CELSR1: variants seen among roughly 807,000 people sequenced by gnomAD.
CELSR1 encodes cadherin EGF LAG seven-pass G-type receptor 1.
Under a neutral mutation model 249.1 loss-of-function variants are expected in CELSR1, and 110 were observed. The observed-to-expected ratio is 0.44, with a 90% CI of 0.38 to 0.52. CELSR1 has a LOEUF of 0.52. CELSR1 is among the 20% of genes least tolerant of loss of function. CELSR1 has a pLI of 0.00. For synonymous variants in CELSR1, 2,113 were observed against 1,900.0 expected, an observed-to-expected ratio of 1.11 and a Z score of -2.92; for missense variants, 4,109 against 4,296.4, an observed-to-expected ratio of 0.96 and a Z score of 1.22.
At chr22:46,508,431 GC>G (rs36057490) in intron 1 of CELSR1, among the ~76,000 whole-genome samples, 2 of 137,822 alleles carry the variant, frequency 1.5e-5, no homozygotes, top group African/African-American at 6.0e-5. Flanking sequence ...CCACCCTGTG[GC>G]CCCCCCACCC....
intron 1 of CELSR1, among the ~76,000 whole-genome samples, chr22:46,509,559 A>T (rs1002954569): frequency 3.9e-5 from 6 of 152,250 alleles, no homozygotes; most frequent in Non-Finnish European, 8.8e-5. Context: ...ACTGGACCCC[A>T]TTACGTGGTA....
At position 46,535,712 on chromosome 22, in the gene CELSR1, C is replaced by T; in HGVS notation, c.1459G>A (p.Asp487Asn). 1 of 1,612,822 alleles carries T rather than the reference C, an allele frequency of 6.2e-7. No individual in the cohort carries two copies. Among genetic ancestry groups the T allele is most frequent in the Non-Finnish European group, 8.5e-7 (1 of 1,180,020 alleles). The change falls in exon 1 of 35, where the codon GAC becomes AAC. Residue 487 changes from aspartate (D) to asparagine (N), a missense_variant. Asp to Asn is a conservative substitution (Grantham distance 23). Coordinates refer to ENST00000674500, the MANE Select transcript of CELSR1 (RefSeq NM_001378328.1). Reference sequence around the variant, plus strand: ...TGAATGGCCGCGTTCTGGCCCTGGTCCCGGTCCGTGGCCTGCACTCGCAGC... The same window carrying T: ...TGAATGGCCGCGTTCTGGCCCTGGTTCCGGTCCGTGGCCTGCACTCGCAGC... ...AVLRVQATDR[D>N]QGQNAAIHYS... is the part of the protein sequence containing the mutation.
intron 1 of CELSR1, among the ~76,000 whole-genome samples, chr22:46,510,386 T>C (rs2080560933): frequency 6.6e-6 from 1 of 151,996 alleles, no homozygotes; most frequent in African/African-American, 2.4e-5. Context: ...TCCCGGAGCT[T>C]CCCCTTGGAG....
chr22:46,414,586 C>T (rs1019331618), intron 5 of CELSR1, among the ~76,000 whole-genome samples: 4 of 151,944 alleles, frequency 2.6e-5, no homozygotes, highest in African/African-American at 9.7e-5. Context: ...GCAGGCTAAC[C>T]GTCCACTCTC....
At position 46,399,967 on chromosome 22, in the gene CELSR1, G is replaced by T; in HGVS notation, c.5227-65C>A. ...ACAATGAAAGAGAAAACATTTTGCA[G>T]TCACTTAAACAAGGAAGCTGTGAAA... On this transcript the variant is annotated intron_variant, in intron 9 of 34. Coordinates refer to ENST00000674500, the MANE Select transcript of CELSR1 (RefSeq NM_001378328.1). This position sits in a 1 kb window ranked among gnomAD's most constrained non-coding sequence, Gnocchi z 5.0. 6.6e-7 allele frequency: 1 copy of T among 1,516,608 alleles called. No individual in the cohort carries two copies. The allele number at this position is 1,516,608 out of a possible 1,614,324, so 93.9% of individuals were successfully genotyped here.
Position 46,411,875 on chromosome 22 carries a change from C to A in CELSR1, c.4612-116G>T. ...TGGCACAGGGTGGGCGGCACGTAGA[C>A]AAGGGATGAGGAGCCCCCGGCCTTT... is the stretch of plus-strand genomic sequence containing the variant. On this transcript the variant is annotated intron_variant, in intron 5 of 34. Transcript: ENST00000674500. The surrounding 1 kb of genome is among the most constrained non-coding windows in gnomAD (Gnocchi z 4.2). The A allele has an allele frequency of 2.9e-6, 4 of 1,359,582 alleles. No homozygotes were observed. The highest frequency in any genetic ancestry group is 4.1e-6 in the Non-Finnish European group (4 of 977,648). The allele number at this position is 1,359,582 out of a possible 1,614,324, so 84.2% of individuals were successfully genotyped here.
rs2079362892 is a variant in CELSR1, at chr22:46,413,593, G to C, written c.4612-1834C>G. On this transcript the variant is annotated intron_variant, in intron 5 of 34. Transcript: ENST00000674500. This position sits in a 1 kb window ranked among gnomAD's most constrained non-coding sequence, Gnocchi z 4.7. ...CACACGCCCTTGTCTGTAAATCCAAGGGAGGCTTCTACCATGACCCCTGGT... is the reference window on the plus strand; with the variant it reads ...CACACGCCCTTGTCTGTAAATCCAACGGAGGCTTCTACCATGACCCCTGGT... Among the ~76,000 whole-genome samples, 2 of 152,272 alleles carry C rather than the reference G, an allele frequency of 1.3e-5. No individual in the cohort carries two copies. Among genetic ancestry groups the C allele is most frequent in the African/African-American group, 4.8e-5 (2 of 41,550 alleles).
rs868009950 is a variant in CELSR1, at chr22:46,374,810, C to T, written c.7585-1753G>A. Among the ~76,000 whole-genome samples the T allele has an allele frequency of 1.3e-5, 2 of 152,298 alleles. No homozygotes were observed. The highest frequency in any genetic ancestry group is 2.1e-4 in the South Asian group (1 of 4,830). On this transcript the variant is annotated intron_variant, in intron 24 of 34. Coordinates refer to ENST00000674500, the MANE Select transcript of CELSR1 (RefSeq NM_001378328.1). This position sits in a 1 kb window ranked among gnomAD's most constrained non-coding sequence, Gnocchi z 4.3. ...TGAGAACGTGCCCATTGCGGGGATGCGCCCGGCTGCGGATGTGAAGAAACC... is the reference window on the plus strand; with the variant it reads ...TGAGAACGTGCCCATTGCGGGGATGTGCCCGGCTGCGGATGTGAAGAAACC...
chr22:46,519,946 A>G (rs1246243642), intron 1 of CELSR1, among the ~76,000 whole-genome samples: 2 of 147,882 alleles, frequency 1.4e-5, no homozygotes, highest in Non-Finnish European at 3.0e-5. Flanking sequence ...ACCTCAGCTC[A>G]CCGCAACCTC....
rs545674710 is a variant in CELSR1, at chr22:46,386,051, C to G, written c.6739+351G>C. 2.0e-5 allele frequency among the ~76,000 whole-genome samples: 3 copies of G among 151,150 alleles called. No individual in the cohort carries two copies. In the South Asian group the frequency reaches 6.3e-4, roughly 32 times the overall value. Reference sequence around the variant, plus strand: ...ATGGCGCAATCTCAGCTCACTGCAACCTCTGCCTCCCAGGTTCAAGTGATT... The same window carrying G: ...ATGGCGCAATCTCAGCTCACTGCAAGCTCTGCCTCCCAGGTTCAAGTGATT... On this transcript the variant is annotated intron_variant, in intron 19 of 34. Transcript: ENST00000674500.
chr22:46,514,778 G>A (rs1051946054), intron 1 of CELSR1, among the ~76,000 whole-genome samples: 14 of 152,076 alleles, frequency 9.2e-5, no homozygotes, highest in African/African-American at 2.9e-4. Flanking sequence ...GTCCTGCCTC[G>A]CTGAGTCATT....
intron 1 of CELSR1, among the ~76,000 whole-genome samples, chr22:46,495,968 C>G (rs1156787438): frequency 6.6e-6 from 1 of 150,852 alleles, no homozygotes; most frequent in East Asian, 2.0e-4. Flanking sequence ...CCAAGGTGGG[C>G]GGATCACCTG....
In CELSR1 at chr22:46,506,464, G is replaced by C. The variant is rs947171032; in HGVS notation, c.3544+27163C>G. 1.7e-4 allele frequency among the ~76,000 whole-genome samples: 26 copies of C among 152,128 alleles called. No homozygotes were observed. On this transcript the variant is annotated intron_variant, in intron 1 of 34. Coordinates refer to ENST00000674500, the MANE Select transcript of CELSR1 (RefSeq NM_001378328.1). The surrounding 1 kb of genome is among the most constrained non-coding windows in gnomAD (Gnocchi z 4.1). ...ACTAGGCCTCCCTTTGTGTATCACAGTCCAGCAAGAGTCCAGCCCAACCGG... is the reference window on the plus strand; with the variant it reads ...ACTAGGCCTCCCTTTGTGTATCACACTCCAGCAAGAGTCCAGCCCAACCGG...
chr22:46,465,178 G>C (rs1168190190), intron 1 of CELSR1, among the ~76,000 whole-genome samples: 1 of 152,084 alleles, frequency 6.6e-6, no homozygotes, highest in East Asian at 1.9e-4. Context: ...CGGAGCAGCG[G>C]CCCCTGCCCA....
intron 2 of CELSR1, among the ~76,000 whole-genome samples, chr22:46,456,109 GA>G (rs1440702766): frequency 6.6e-6 from 1 of 152,226 alleles, no homozygotes; most frequent in Non-Finnish European, 1.5e-5. Flanking sequence ...GTTTTATTTT[GA>G]ATGATAATTA....
chr22:46,433,998 A>G lies in CELSR1; in HGVS notation c.4523-517T>C, dbSNP rs2079628076. On this transcript the variant is annotated intron_variant, in intron 4 of 34. Coordinates refer to ENST00000674500, the MANE Select transcript of CELSR1 (RefSeq NM_001378328.1). The surrounding 1 kb of genome is among the most constrained non-coding windows in gnomAD (Gnocchi z 5.7). ...GCGCCTGGCCTTGTTCCTTTTCTAA[A>G]TATGAAAAAATATAAACACGGAAAA... is the stretch of plus-strand genomic sequence containing the variant. Among the ~76,000 whole-genome samples, 1 of 152,202 alleles carries G rather than the reference A, an allele frequency of 6.6e-6. No individual in the cohort carries two copies. The highest frequency in any genetic ancestry group is 1.5e-5 in the Non-Finnish European group (1 of 68,030).
intron 1 of CELSR1, among the ~76,000 whole-genome samples, chr22:46,504,120 T>C (rs1222508517): frequency 1.3e-5 from 2 of 152,208 alleles, no homozygotes; most frequent in Non-Finnish European, 2.9e-5. Flanking sequence ...TTATGAAAGA[T>C]ATTTGCAACA....
intron 2 of CELSR1, among the ~76,000 whole-genome samples, chr22:46,444,262 G>C (rs2079791166): frequency 6.6e-6 from 1 of 152,262 alleles, no homozygotes; most frequent in Non-Finnish European, 1.5e-5. Flanking sequence ...AAGGTGGCCA[G>C]CCCTGAGTGA....
chr22:46,391,875 C>A lies in CELSR1; in HGVS notation c.5965-59G>T. 6.5e-7 allele frequency: 1 copy of A among 1,539,154 alleles called. No homozygotes were observed. The highest frequency in any genetic ancestry group is 1.2e-5 in the South Asian group (1 of 82,650). ...GATGCCCGGGAGAGGCCCTACCTTGCAGCGTGTTTCCCGAGCGACGTCCAG... is the reference window on the plus strand; with the variant it reads ...GATGCCCGGGAGAGGCCCTACCTTGAAGCGTGTTTCCCGAGCGACGTCCAG... On this transcript the variant is annotated intron_variant, in intron 14 of 34. Transcript: ENST00000674500. The surrounding 1 kb of genome is among the most constrained non-coding windows in gnomAD (Gnocchi z 4.3).
Sources: allele counts gnomAD v4.1 joint callset (sites outside exome capture counted in the v4.1 genomes callset), GRCh38; gene constraint gnomAD v4.1.1; non-coding constraint Gnocchi (gnomAD v3.1); transcripts MANE v1.5; gene names NCBI Gene and HGNC (gene_info 2026-07-23, HGNC 2026-07-21).